Variants in RALYL observed in about 807,000 individuals in gnomAD.
RALYL encodes RNA-binding Raly-like protein.
RALYL carries 29 observed loss-of-function variants against 35.1 expected under a neutral mutation model. The ratio of observed to expected loss-of-function variants is 0.83; its 90% confidence interval spans 0.61 to 1.13. The LOEUF (loss-of-function observed/expected upper bound fraction) is 1.13, where lower values mean the gene tolerates loss of function less well. Ranked by LOEUF, RALYL falls within the 50% of genes most tolerant of loss-of-function variation. The pLI is 0.00. For synonymous variants in RALYL, 120 were observed against 127.6 expected (o/e 0.94, Z 0.40); for missense variants, 359 against 360.4 (o/e 1.00, Z 0.03).
At chr8:84,621,831 A>G (rs568601742) in intron 2 of RALYL, among the ~76,000 whole-genome samples, 25 of 152,340 alleles carry the variant, frequency 1.6e-4, no homozygotes, top group Non-Finnish European at 2.5e-4. Context: ...GAATATGTAT[A>G]ATGTCAACTC....
chr8:84,803,990 A>G (rs1257939862), intron 3 of RALYL, among the ~76,000 whole-genome samples: 1 of 152,192 alleles, frequency 6.6e-6, no homozygotes, highest in Non-Finnish European at 1.5e-5. Context: ...TACACTTACC[A>G]ACAGGTTTCC....
intron 1 of RALYL, among the ~76,000 whole-genome samples, chr8:84,419,982 T>C (rs574271763): frequency 6.6e-6 from 1 of 150,830 alleles, no homozygotes; most frequent in Non-Finnish European, 1.5e-5. Flanking sequence ...TCTTTGCTAT[T>C]GTGAATAATG....
chr8:84,372,496 AGGAGGCCAAGGTT>A (rs1318465547), intron 1 of RALYL, among the ~76,000 whole-genome samples: 1 of 151,984 alleles, frequency 6.6e-6, no homozygotes. Flanking sequence ...CTGTCTGCTC[AGGAGGCCAAGGTT>A]GGAGGATCAC....
intron 1 of RALYL, among the ~76,000 whole-genome samples, chr8:84,367,319 T>C (rs28366806): frequency 1.5e-5 from 1 of 66,336 alleles, no homozygotes; most frequent in Non-Finnish European, 2.7e-5. Flanking sequence ...AATTTTTGTA[T>C]TTTTTTTTTT....
At chr8:84,750,836 A>T (rs537778933) in intron 2 of RALYL, among the ~76,000 whole-genome samples, 1 of 152,178 alleles carries the variant, frequency 6.6e-6, no homozygotes, top group African/African-American at 2.4e-5. Context: ...TGGCCCCTTG[A>T]CCTTGGACTT....
chr8:84,913,031 GATA>G (rs1563856439), intron 8 of RALYL, among the ~76,000 whole-genome samples: 20 of 86,316 alleles, frequency 2.3e-4, no homozygotes, highest in Admixed American at 1.3e-3. Context: ...TGGATGGATG[GATA>G]GGTAGGTAGA....
At chr8:84,364,001 C>A (rs1402745365) in intron 1 of RALYL, among the ~76,000 whole-genome samples, 1 of 152,120 alleles carries the variant, frequency 6.6e-6, no homozygotes, top group African/African-American at 2.4e-5. Context: ...TAAAGACAGG[C>A]ATGCCTACCT....
At chr8:84,714,550 C>A (rs1360733847) in intron 2 of RALYL, among the ~76,000 whole-genome samples, 1 of 151,588 alleles carries the variant, frequency 6.6e-6, no homozygotes, top group African/African-American at 2.4e-5. Flanking sequence ...GTCATGAATG[C>A]AAGCAGTTTG....
chr8:84,523,896 T>A (rs904245035), intron 1 of RALYL, among the ~76,000 whole-genome samples: 4 of 152,138 alleles, frequency 2.6e-5, no homozygotes, highest in Admixed American at 2.6e-4. Flanking sequence ...GTGCCACATT[T>A]TCTTAATCCA....
chr8:84,383,494 G>T (rs945283928), intron 1 of RALYL, among the ~76,000 whole-genome samples: 2 of 151,574 alleles, frequency 1.3e-5, no homozygotes, highest in Non-Finnish European at 3.0e-5. Context: ...AAAAAGAAAA[G>T]AGTATGTTTG....
At chr8:84,871,484 G>A (rs969617773) in intron 6 of RALYL, among the ~76,000 whole-genome samples, 2 of 152,088 alleles carry the variant, frequency 1.3e-5, no homozygotes, top group Non-Finnish European at 2.9e-5. Flanking sequence ...TATTAAATTT[G>A]ATACGTTTAA....
At chr8:84,563,787 T>G (rs1024358041) in intron 2 of RALYL, among the ~76,000 whole-genome samples, 3 of 151,882 alleles carry the variant, frequency 2.0e-5, no homozygotes, top group African/African-American at 7.2e-5. Flanking sequence ...TGATTCTATA[T>G]GTATTTGGGG....
At chr8:84,840,068 C>T (rs1832877004) in intron 4 of RALYL, among the ~76,000 whole-genome samples, 1 of 152,198 alleles carries the variant, frequency 6.6e-6, no homozygotes, top group Non-Finnish European at 1.5e-5. Flanking sequence ...TGCCTCTCCT[C>T]CTCCAAAGGA....
chr8:84,569,607 T>C (rs1351922025), intron 2 of RALYL, among the ~76,000 whole-genome samples: 1 of 151,868 alleles, frequency 6.6e-6, no homozygotes, highest in East Asian at 1.9e-4. Flanking sequence ...GTCATTTGTC[T>C]ATTTTTGCTT....
chr8:84,424,638 G>T (rs2132498945), intron 1 of RALYL, among the ~76,000 whole-genome samples: 1 of 151,828 alleles, frequency 6.6e-6, no homozygotes, highest in Admixed American at 6.5e-5. Flanking sequence ...GTGTTTTAGA[G>T]TTTCCAGTTT....
At chr8:84,734,944 CAT>C (rs766420042) in intron 2 of RALYL, among the ~76,000 whole-genome samples, 25 of 151,250 alleles carry the variant, frequency 1.7e-4, no homozygotes, top group Non-Finnish European at 2.5e-4. Flanking sequence ...TGCTATAAAT[CAT>C]GATTTAAAAC....
At chr8:84,305,122 G>A (rs1293416041) in intron 1 of RALYL, among the ~76,000 whole-genome samples, 5 of 152,076 alleles carry the variant, frequency 3.3e-5, no homozygotes, top group Non-Finnish European at 5.9e-5. Flanking sequence ...CCTAAAAGAT[G>A]TATGAACTAT....
At chr8:84,463,386 T>C (rs1265497808) in intron 1 of RALYL, among the ~76,000 whole-genome samples, 1 of 152,098 alleles carries the variant, frequency 6.6e-6, no homozygotes, top group Non-Finnish European at 1.5e-5. Context: ...ATTATAAAAT[T>C]AACATTTGCC....
intron 1 of RALYL, 63 bp from the exon 2 acceptor site, chr8:84,529,236 C>A: frequency 6.6e-7 from 1 of 1,508,612 alleles, no homozygotes; most frequent in East Asian, 2.5e-5. Context: ...GCCACTGATA[C>A]CCATTCGATC....
Sources: gnomAD v4.1 joint callset for allele counts (sites outside exome capture counted in the v4.1 genomes callset) on GRCh38, gnomAD v4.1.1 for gene constraint, MANE v1.5 for transcripts, NCBI Gene and HGNC (gene_info 2026-07-23, HGNC 2026-07-21) for gene names.